The following PITPNM2 variants were observed in gnomAD, a reference collection of about 807,000 sequenced individuals.
The protein encoded by PITPNM2 is phosphatidylinositol transfer protein membrane associated 2, also known as membrane-associated phosphatidylinositol transfer protein 2.
In PITPNM2, 35 loss-of-function variants were observed where a neutral mutation model predicts 132.2. The ratio of observed to expected loss-of-function variants is 0.26; its 90% CI spans 0.20 to 0.35. PITPNM2 has a LOEUF of 0.35. Among genes scored for constraint, PITPNM2 ranks in the 10% least tolerant of loss-of-function variants. The pLI is 1.00. For missense variants in PITPNM2, 1,332 were observed against 1,912.0 expected (o/e 0.70, Z 5.66); for synonymous variants, 738 against 799.2 (o/e 0.92, Z 1.29).
rs1566300333 is a variant in PITPNM2, at chr12:123,117,351, C to CTA, written c.-199-6864_-199-6863insTA. Among the ~76,000 whole-genome samples the CTA allele has an allele frequency of 1.3e-5, 2 of 152,062 alleles. No individual in the cohort carries two copies. Among genetic ancestry groups the CTA allele is most frequent in the African/African-American group, 4.8e-5 (2 of 41,322 alleles). ...CAAGCTGTCACTTAATTACACGACT[C>CTA]TCTATCTGTGCAGAGCAGGGGTTTG... On this transcript the variant is annotated intron_variant, in intron 1 of 25. Transcript: ENST00000320201. The surrounding 1 kb of genome is among the most constrained non-coding windows in gnomAD (Gnocchi z 4.7).
chr12:122,997,525 C>T lies in PITPNM2; in HGVS notation c.1272G>A (p.Val424=), dbSNP rs756768956. ...PLAAPPSKIH[V]LLLVLHGGTI... ...TGCCTCCGTGCAGCACCAGTAGCAG[C>T]ACGTGGATCTTGGAGGGCGGTGCAG... The change falls in exon 11 of 26, where the codon GTG becomes GTA. Residue 424 remains valine, a synonymous_variant. Transcript: ENST00000320201. 2.5e-6 allele frequency: 4 copies of T among 1,613,262 alleles called. No individual in the cohort carries two copies. Among genetic ancestry groups the T allele is most frequent in the Non-Finnish European group, 3.4e-6 (4 of 1,179,838 alleles).
chr12:123,026,900 A>G (rs1360652809), intron 3 of PITPNM2, among the ~76,000 whole-genome samples: 1 of 152,188 alleles, frequency 6.6e-6, no homozygotes. Context: ...TCATTCATTC[A>G]GGGACCTCTC....
chr12:123,018,033 T>TCCC, intron 3 of PITPNM2, among the ~76,000 whole-genome samples: 2 of 135,178 alleles, frequency 1.5e-5, no homozygotes, highest in Non-Finnish European at 3.1e-5. Flanking sequence ...CCTTCCTTCC[T>TCCC]TCCTCCCTCC....
chr12:123,072,331 G>A (rs2041642944), intron 2 of PITPNM2, among the ~76,000 whole-genome samples: 1 of 152,186 alleles, frequency 6.6e-6, no homozygotes, highest in Non-Finnish European at 1.5e-5. Context: ...CAGGGACAAG[G>A]TCTTCTAACT....
intron 1 of PITPNM2, among the ~76,000 whole-genome samples, chr12:123,126,148 C>T (rs953104110): frequency 2.0e-5 from 3 of 152,126 alleles, no homozygotes; most frequent in Non-Finnish European, 4.4e-5. Flanking sequence ...GGATTACAGG[C>T]TTGAGCCACC....
chr12:123,066,424 C>A (rs945492699), intron 2 of PITPNM2, among the ~76,000 whole-genome samples: 2 of 152,144 alleles, frequency 1.3e-5, no homozygotes, highest in Non-Finnish European at 2.9e-5. Context: ...ATGAGCCAGC[C>A]AGGAGCAAGA....
chr12:123,081,178 TCTGTC>T (rs113014875), intron 2 of PITPNM2: 14,497 of 152,030 alleles, frequency 0.095, 2,288 homozygotes, highest in African/African-American at 0.33. Context: ...GGGAGCAGGC[TCTGTC>T]CACAGCCTAG....
chr12:123,095,610 C>T lies in PITPNM2; in HGVS notation c.-96+14775G>A, dbSNP rs1356667856. On this transcript the variant is annotated intron_variant, in intron 2 of 25. Transcript: ENST00000320201. The surrounding 1 kb of genome is among the most constrained non-coding windows in gnomAD (Gnocchi z 5.0). ...CTTCTCTGAGTAAAGGCCCTCAACGCTCCCCTTGGGTTTCAAGGCGACATC... is the reference window on the plus strand; with the variant it reads ...CTTCTCTGAGTAAAGGCCCTCAACGTTCCCCTTGGGTTTCAAGGCGACATC... Among the ~76,000 whole-genome samples the T allele has an allele frequency of 6.6e-6, 1 of 152,164 alleles. No homozygotes were observed. The highest frequency in any genetic ancestry group is 1.5e-5 in the Non-Finnish European group (1 of 68,020).
intron 2 of PITPNM2, among the ~76,000 whole-genome samples, chr12:123,056,606 G>T (rs1187048684): frequency 6.6e-6 from 1 of 152,108 alleles, no homozygotes; most frequent in African/African-American, 2.4e-5. Context: ...AAGAGGGAAA[G>T]AGCTGAGCTG....
intron 2 of PITPNM2, among the ~76,000 whole-genome samples, chr12:123,070,294 C>T (rs1467212353): frequency 6.6e-6 from 1 of 152,136 alleles, no homozygotes; most frequent in Admixed American, 6.5e-5. Context: ...GTAACAAGGG[C>T]CTGGGAGCTG....
At chr12:123,107,647 C>T (rs1385550243) in intron 2 of PITPNM2, among the ~76,000 whole-genome samples, 3 of 152,208 alleles carry the variant, frequency 2.0e-5, no homozygotes, top group East Asian at 1.9e-4. Context: ...CCATGACTCT[C>T]GCTACCAGGG....
chr12:123,068,806 C>T (rs2041532082), intron 2 of PITPNM2, among the ~76,000 whole-genome samples: 1 of 152,208 alleles, frequency 6.6e-6, no homozygotes, highest in African/African-American at 2.4e-5. Flanking sequence ...ACCTCCACCA[C>T]CCCAACACCA....
intron 2 of PITPNM2, among the ~76,000 whole-genome samples, chr12:123,100,423 C>A (rs1353352768): frequency 1.3e-5 from 2 of 152,172 alleles, no homozygotes; most frequent in Admixed American, 1.3e-4. Flanking sequence ...GTCAGGAGAT[C>A]GAGACCAGCC....
intron 2 of PITPNM2, among the ~76,000 whole-genome samples, chr12:123,056,687 G>T (rs1299380228): frequency 1.3e-5 from 2 of 152,206 alleles, no homozygotes; most frequent in Non-Finnish European, 2.9e-5. Context: ...GGGTGACACT[G>T]GACACTGTCC....
chr12:123,088,205 G>A (rs1333901767), intron 2 of PITPNM2: 1 of 151,862 alleles, frequency 6.6e-6, no homozygotes, highest in Non-Finnish European at 1.5e-5. Context: ...TCAACCTCAG[G>A]GTCTTTGCAC....
At chr12:123,033,259 C>T (rs768862737) in intron 3 of PITPNM2, among the ~76,000 whole-genome samples, 8 of 152,214 alleles carry the variant, frequency 5.3e-5, no homozygotes, top group African/African-American at 1.9e-4. Context: ...GTGGGAAGCC[C>T]GAAGACCCTC....
intron 3 of PITPNM2, among the ~76,000 whole-genome samples, chr12:123,024,454 C>T (rs1391288637): frequency 2.0e-5 from 3 of 152,194 alleles, no homozygotes; most frequent in South Asian, 2.1e-4. Context: ...CATATGTCCA[C>T]ATAAAAACTT....
chr12:123,028,188 G>A (rs771589695), intron 3 of PITPNM2, among the ~76,000 whole-genome samples: 4 of 152,288 alleles, frequency 2.6e-5, no homozygotes, highest in South Asian at 2.1e-4. Context: ...GCACACATTC[G>A]CTGAACACCT....
intron 2 of PITPNM2, among the ~76,000 whole-genome samples, chr12:123,093,468 A>ACG (rs1294519819): frequency 6.7e-6 from 1 of 150,172 alleles, no homozygotes; most frequent in East Asian, 1.9e-4. Context: ...AAATACACAC[A>ACG]CGCACACACA....
Sources: gnomAD v4.1 joint callset for allele counts (sites outside exome capture counted in the v4.1 genomes callset) on GRCh38, gnomAD v4.1.1 for gene constraint, Gnocchi (gnomAD v3.1) non-coding constraint, MANE v1.5 for transcripts, NCBI Gene and HGNC (gene_info 2026-07-23, HGNC 2026-07-21) for gene names.